TNFSF4: variants seen among roughly 807,000 people sequenced by gnomAD.
TNFSF4 encodes tumor necrosis factor ligand superfamily member 4.
TNFSF4 carries 4 observed loss-of-function variants against 7.3 expected under a neutral mutation model. The observed-to-expected ratio is 0.55, with a 90% CI of 0.27 to 1.25. The LOEUF (loss-of-function observed/expected upper bound fraction) is 1.25. Ranked by LOEUF, TNFSF4 falls within the 50% of genes most tolerant of loss-of-function variation. The probability of loss-of-function intolerance (pLI) is 0.12; values close to 1 mark genes in which losing one functional copy is unlikely to be tolerated. For synonymous variants in TNFSF4, 76 were observed against 83.7 expected (o/e 0.91, Z 0.50); for missense variants, 181 against 208.8 (o/e 0.87, Z 0.82).
chr1:173,351,356 G>A, the TNFSF4 span, among the ~76,000 whole-genome samples: 2 of 152,218 alleles, frequency 1.3e-5, no homozygotes, highest in South Asian at 4.2e-4. Flanking sequence ...GTTTCTCTTT[G>A]TGTTATGGTC....
the TNFSF4 span, among the ~76,000 whole-genome samples, chr1:173,238,361 A>G: frequency 2.2e-4 from 33 of 152,208 alleles, no homozygotes; most frequent in Admixed American, 5.9e-4. Flanking sequence ...CACAACAAAA[A>G]TGCCAAAAGC....
the TNFSF4 span, among the ~76,000 whole-genome samples, chr1:173,348,764 G>A: frequency 2.6e-5 from 4 of 152,084 alleles, no homozygotes; most frequent in African/African-American, 4.8e-5. Flanking sequence ...AAGATACTAT[G>A]AACAACCAAT....
At chr1:173,339,902 G>C in the TNFSF4 span, among the ~76,000 whole-genome samples, 14 of 152,126 alleles carry the variant, frequency 9.2e-5, no homozygotes, top group African/African-American at 2.9e-4. Flanking sequence ...GTGTCATCTT[G>C]ACTAGGCAAA....
At chr1:173,196,971 T>A (rs1649731192) in intron 1 of TNFSF4, among the ~76,000 whole-genome samples, 2 of 152,228 alleles carry the variant, frequency 1.3e-5, no homozygotes, top group African/African-American at 4.8e-5. Context: ...CCATACCTCC[T>A]ACCATGTCTC....
At chr1:173,333,003 C>T in the TNFSF4 span, among the ~76,000 whole-genome samples, 1 of 152,170 alleles carries the variant, frequency 6.6e-6, no homozygotes, top group African/African-American at 2.4e-5. Context: ...ACACAAACAA[C>T]CAGTAAAGAA....
At chr1:173,411,431 C>A in the TNFSF4 span, among the ~76,000 whole-genome samples, 3 of 152,192 alleles carry the variant, frequency 2.0e-5, no homozygotes, top group East Asian at 5.8e-4. Context: ...TTAAAATAAT[C>A]TCTAAAATCC....
chr1:173,376,859 C>T, the TNFSF4 span, among the ~76,000 whole-genome samples: 1 of 152,220 alleles, frequency 6.6e-6, no homozygotes, highest in African/African-American at 2.4e-5. Context: ...TGAGCTGCAA[C>T]ACTCACTGCA....
the TNFSF4 span, chr1:173,174,462 G>A: frequency 6.6e-6 from 1 of 152,112 alleles, no homozygotes; most frequent in Admixed American, 6.5e-5. Flanking sequence ...ATAAAGAACT[G>A]CCCGAGACTA....
the TNFSF4 span, among the ~76,000 whole-genome samples, chr1:173,248,016 G>A: frequency 6.6e-6 from 1 of 152,168 alleles, no homozygotes; most frequent in Non-Finnish European, 1.5e-5. Flanking sequence ...TTAAGCTGAT[G>A]AACAGGACTT....
chr1:173,312,016 A>G, the TNFSF4 span, among the ~76,000 whole-genome samples: 1 of 152,062 alleles, frequency 6.6e-6, no homozygotes, highest in East Asian at 1.9e-4. Context: ...AAAACAGTTT[A>G]ATTCCATTTA....
At chr1:173,256,740 A>C in the TNFSF4 span, among the ~76,000 whole-genome samples, 2 of 152,210 alleles carry the variant, frequency 1.3e-5, no homozygotes, top group African/African-American at 4.8e-5. Flanking sequence ...CATGACTTGC[A>C]ACAACCAAAA....
the TNFSF4 span, among the ~76,000 whole-genome samples, chr1:173,372,962 A>G: frequency 9.2e-5 from 14 of 152,260 alleles, no homozygotes; most frequent in African/African-American, 2.9e-4. Flanking sequence ...GTTATGCCAT[A>G]GTTAGTGATG....
At chr1:173,173,700 C>T in the TNFSF4 span, among the ~76,000 whole-genome samples, 3 of 152,202 alleles carry the variant, frequency 2.0e-5, no homozygotes, top group Admixed American at 6.5e-5. Context: ...GAAGCAAGGG[C>T]GTGAGCTGTA....
At chr1:173,376,958 G>A in the TNFSF4 span, among the ~76,000 whole-genome samples, 1 of 152,152 alleles carries the variant, frequency 6.6e-6, no homozygotes, top group Non-Finnish European at 1.5e-5. Context: ...TTTAAGAGCT[G>A]TAACACTGCG....
the TNFSF4 span, among the ~76,000 whole-genome samples, chr1:173,332,485 T>C: frequency 0.9 from 136,786 of 152,086 alleles, 63,268 homozygotes; most frequent in East Asian, 1. Context: ...GAGCTGAGAC[T>C]GTGCCATTGC....
the TNFSF4 span, among the ~76,000 whole-genome samples, chr1:173,265,164 A>G: frequency 6.6e-6 from 1 of 152,372 alleles, no homozygotes; most frequent in Middle Eastern, 3.4e-3. Flanking sequence ...AGTAAGATTC[A>G]AGATGAGTGA....
chr1:173,352,144 A>G, the TNFSF4 span: 1 of 245,406 alleles, frequency 4.1e-6, no homozygotes, highest in East Asian at 9.7e-5. Context: ...GTAAACCAGA[A>G]AGACCTCAGA....
the TNFSF4 span, among the ~76,000 whole-genome samples, chr1:173,229,227 G>T: frequency 6.6e-6 from 1 of 152,156 alleles, no homozygotes; most frequent in African/African-American, 2.4e-5. Context: ...GACTAACAGC[G>T]GATCTCTCAG....
the TNFSF4 span, among the ~76,000 whole-genome samples, chr1:173,372,087 G>A: frequency 6.6e-6 from 1 of 152,178 alleles, no homozygotes; most frequent in Non-Finnish European, 1.5e-5. Flanking sequence ...TCAAGGGTAC[G>A]AGGCGTCTAA....
Sources: gnomAD v4.1 joint callset for allele counts (sites outside exome capture counted in the v4.1 genomes callset) on GRCh38, gnomAD v4.1.1 for gene constraint, MANE v1.5 for transcripts, NCBI Gene and HGNC (gene_info 2026-07-23, HGNC 2026-07-21) for gene names.